EBF1: variants seen among roughly 807,000 people sequenced by gnomAD.
The protein encoded by EBF1 is transcription factor COE1.
In EBF1, 10 loss-of-function variants were observed where a neutral mutation model predicts 68.4. The ratio of observed to expected loss-of-function variants is 0.15; its 90% CI spans 0.09 to 0.25. The LOEUF (loss-of-function observed/expected upper bound fraction) is 0.25. Among genes scored for constraint, EBF1 ranks in the 10% least tolerant of loss-of-function variants. EBF1 has a pLI of 1.00. For missense variants in EBF1, 509 were observed against 794.4 expected, an observed-to-expected ratio of 0.64 and a Z score of 4.32; for synonymous variants, 298 against 299.8, an observed-to-expected ratio of 0.99 and a Z score of 0.06.
intron 6 of EBF1, among the ~76,000 whole-genome samples, chr5:158,876,224 G>A (rs1056418871): frequency 1.3e-5 from 2 of 152,118 alleles, no homozygotes; most frequent in Non-Finnish European, 2.9e-5. Context: ...TTGCAATAAA[G>A]CAGGCACTGT....
intron 6 of EBF1, among the ~76,000 whole-genome samples, chr5:159,009,013 C>A (rs989129259): frequency 1.3e-5 from 2 of 152,184 alleles, no homozygotes; most frequent in African/African-American, 4.8e-5. Context: ...CAGGGGGAAG[C>A]TCAGCCAGTG....
intron 6 of EBF1, among the ~76,000 whole-genome samples, chr5:158,859,670 C>T (rs532878187): frequency 4.6e-5 from 7 of 152,302 alleles, no homozygotes; most frequent in East Asian, 3.9e-4. Context: ...ATTTTGGCCC[C>T]GGAAGTTGGC....
Position 158,699,245 on chromosome 5 carries a change from G to T in EBF1, c.1745-103C>A, listed in dbSNP as rs1349937079. 3 of 1,192,236 alleles carry T rather than the reference G, an allele frequency of 2.5e-6. No homozygotes were observed. The African/African-American group carries it at 4.8e-5, about 19-fold the overall frequency. The allele number at this position is 1,192,236 out of a possible 1,614,324, so 73.9% of individuals were successfully genotyped here. On this transcript the variant is annotated intron_variant, in intron 15 of 15. Coordinates refer to ENST00000313708, the MANE Select transcript of EBF1 (RefSeq NM_024007.5). ...AAAAAAAACACCCACACACAACTAT[G>T]TTGTTCGACTATTAGCCACAAATTT...
At chr5:158,999,546 AC>A (rs969842367) in intron 6 of EBF1, among the ~76,000 whole-genome samples, 7 of 152,202 alleles carry the variant, frequency 4.6e-5, no homozygotes, top group African/African-American at 1.7e-4. Context: ...GTAACTATAC[AC>A]AAATATTTTA....
At chr5:158,719,740 A>G (rs933265290) in intron 11 of EBF1, among the ~76,000 whole-genome samples, 1 of 152,190 alleles carries the variant, frequency 6.6e-6, no homozygotes, top group Non-Finnish European at 1.5e-5. Flanking sequence ...TAAAGCTGAT[A>G]GATACCCATA....
intron 15 of EBF1, chr5:158,707,563 C>G: frequency 4.1e-6 from 1 of 244,576 alleles, no homozygotes. Flanking sequence ...GGTTGAGTGA[C>G]CTACTTCAGG....
intron 6 of EBF1, among the ~76,000 whole-genome samples, chr5:159,050,177 TCTC>T (rs1389437150): frequency 6.8e-6 from 1 of 146,198 alleles, no homozygotes; most frequent in Non-Finnish European, 1.5e-5. Flanking sequence ...TCTCTCTCTC[TCTC>T]TTCTCTCTTT....
intron 6 of EBF1, among the ~76,000 whole-genome samples, chr5:158,946,926 T>C (rs2127489526): frequency 6.6e-6 from 1 of 152,288 alleles, no homozygotes; most frequent in Non-Finnish European, 1.5e-5. Flanking sequence ...CTACAGCGGC[T>C]CTGTGGCACT....
Position 158,696,905 on chromosome 5 carries a change from TTTTTTCTTTTTTTC to T in EBF1, c.*2192_*2205del, listed in dbSNP as rs1046950188. On this transcript the variant is annotated 3_prime_UTR_variant, in exon 16 of 16. Coordinates refer to ENST00000313708, the MANE Select transcript of EBF1 (RefSeq NM_024007.5). Reference sequence around the variant, plus strand: ...TGCTTTTCGATTTCTTTGTTTTTTTTTTTTTCTTTTTTTCTTTTTCTTTTTTCTTAGAATGTTAG... The same window carrying T: ...TGCTTTTCGATTTCTTTGTTTTTTTTTTTTTCTTTTTTCTTAGAATGTTAG... 9 of 197,646 alleles carry T rather than the reference TTTTTTCTTTTTTTC, an allele frequency of 4.6e-5. No homozygotes were observed. Among genetic ancestry groups the T allele is most frequent in the Admixed American group, 1.2e-4 (2 of 16,528 alleles). The allele number at this position is 197,646 out of a possible 1,614,324, so 12.2% of individuals were successfully genotyped here.
intron 8 of EBF1, among the ~76,000 whole-genome samples, chr5:158,821,613 C>T (rs1784831200): frequency 6.6e-6 from 1 of 152,170 alleles, no homozygotes; most frequent in Non-Finnish European, 1.5e-5. Context: ...AAATCATGCC[C>T]ACTGAGTATT....
At chr5:158,884,709 G>A (rs1245097307) in intron 6 of EBF1, among the ~76,000 whole-genome samples, 1 of 152,088 alleles carries the variant, frequency 6.6e-6, no homozygotes, top group Admixed American at 6.5e-5. Flanking sequence ...TGAAACAGCA[G>A]CAAGAACAAT....
intron 9 of EBF1, among the ~76,000 whole-genome samples, chr5:158,789,525 T>C (rs1341484058): frequency 2.6e-5 from 4 of 152,144 alleles, no homozygotes; most frequent in African/African-American, 9.7e-5. Context: ...TAAAAGCCCA[T>C]GGAAATTTCA....
intron 7 of EBF1, among the ~76,000 whole-genome samples, chr5:158,838,852 C>T (rs1342717556): frequency 2.0e-5 from 3 of 151,440 alleles, no homozygotes; most frequent in Non-Finnish European, 2.9e-5. Flanking sequence ...TGGATCGTTG[C>T]TCTGACAGGG....
chr5:158,922,238 T>C (rs1562306922), intron 6 of EBF1, among the ~76,000 whole-genome samples: 1 of 152,330 alleles, frequency 6.6e-6, no homozygotes, highest in East Asian at 1.9e-4. Context: ...GAGGTCACAG[T>C]CTTCTCTTTC....
At chr5:158,744,611 C>T (rs1282380389) in intron 10 of EBF1, among the ~76,000 whole-genome samples, 1 of 152,164 alleles carries the variant, frequency 6.6e-6, no homozygotes, top group Non-Finnish European at 1.5e-5. Flanking sequence ...CACTCTATAA[C>T]TCCCAGTAAA....
intron 6 of EBF1, among the ~76,000 whole-genome samples, chr5:158,845,338 C>A (rs1311317572): frequency 1.3e-5 from 2 of 152,200 alleles, no homozygotes; most frequent in African/African-American, 4.8e-5. Context: ...CACTGTGCAG[C>A]TTTCACCGTA....
intron 15 of EBF1, among the ~76,000 whole-genome samples, chr5:158,703,241 A>G (rs1757137184): frequency 6.6e-6 from 1 of 152,238 alleles, no homozygotes; most frequent in Non-Finnish European, 1.5e-5. Context: ...TCTGGAAAAC[A>G]GACACAGTTA....
rs1321133923 is a variant in EBF1, at chr5:158,697,915, A to AT, written c.*1195_*1196insA. 1 of 209,062 alleles carries AT rather than the reference A, an allele frequency of 4.8e-6. No homozygotes were observed. The highest frequency in any genetic ancestry group is 9.7e-6 in the Non-Finnish European group (1 of 102,740). The allele number at this position is 209,062 out of a possible 1,614,324, so 13.0% of individuals were successfully genotyped here. A position where few individuals can be genotyped will look rare whatever the true frequency, so the allele number is the denominator to read the frequency against. On this transcript the variant is annotated 3_prime_UTR_variant, in exon 16 of 16. Coordinates refer to ENST00000313708, the MANE Select transcript of EBF1 (RefSeq NM_024007.5). ...TAATGAGAGCAAAAATTCCCATAGA[A>AT]CAGAAAACTATGTTTTGGAGGTCTC...
At chr5:158,728,201 A>G (rs1048911462) in intron 11 of EBF1, among the ~76,000 whole-genome samples, 1 of 152,176 alleles carries the variant, frequency 6.6e-6, no homozygotes, top group Non-Finnish European at 1.5e-5. Flanking sequence ...TTCAAAGCCA[A>G]GAGGACAGCC....
Sources: gnomAD v4.1 joint callset for allele counts (sites outside exome capture counted in the v4.1 genomes callset) on GRCh38, gnomAD v4.1.1 for gene constraint, MANE v1.5 for transcripts, NCBI Gene and HGNC (gene_info 2026-07-23, HGNC 2026-07-21) for gene names.